The following CARMIL1 variants were observed in gnomAD, a reference collection of about 807,000 sequenced individuals.
CARMIL1 encodes the protein F-actin-uncapping protein LRRC16A.
In CARMIL1, 90 loss-of-function variants were observed where a neutral mutation model predicts 177.1. The ratio of observed to expected loss-of-function variants is 0.51; its 90% CI spans 0.43 to 0.61. The LOEUF is 0.61. Ranked by LOEUF, CARMIL1 falls within the 20% of genes least tolerant of loss-of-function variation. The pLI is 0.00. For synonymous variants in CARMIL1, 577 were observed against 606.2 expected (o/e 0.95, Z 0.71); for missense variants, 1,380 against 1,667.0 (o/e 0.83, Z 3.00).
rs565918563 is a variant in CARMIL1 at position 25,548,563 on chromosome 6, G to T, written c.2329-2347G>T. ...ACAGTTTGAAGCCACGGGAAGGATG[G>T]ATGTTGAACAGGCTCTGGTGTGCAG... On this transcript the variant is annotated intron_variant, in intron 26 of 36. Transcript: ENST00000329474. Among the ~76,000 whole-genome samples the T allele has an allele frequency of 2.6e-5, 4 of 152,298 alleles. No homozygotes were observed. In the East Asian group the frequency reaches 7.7e-4, roughly 29 times the overall value.
intron 2 of CARMIL1, among the ~76,000 whole-genome samples, chr6:25,414,889 C>T (rs12206709): frequency 1.3e-5 from 2 of 152,074 alleles, no homozygotes; most frequent in African/African-American, 2.4e-5. Flanking sequence ...AAAGCCTGGG[C>T]TCCCTTATGA....
At chr6:25,522,801 T>G (rs1040729503) in intron 23 of CARMIL1, among the ~76,000 whole-genome samples, 1 of 149,120 alleles carries the variant, frequency 6.7e-6, no homozygotes, top group Non-Finnish European at 1.5e-5. Flanking sequence ...TATGTATGAC[T>G]GGATACTTCA....
intron 2 of CARMIL1, among the ~76,000 whole-genome samples, chr6:25,371,578 A>T (rs1790435312): frequency 6.6e-6 from 1 of 152,070 alleles, no homozygotes; most frequent in Non-Finnish European, 1.5e-5. Flanking sequence ...ATGTCTATTC[A>T]TGTCATTTGC....
chr6:25,493,788 CAG>C (rs1381386295), intron 15 of CARMIL1, among the ~76,000 whole-genome samples: 5 of 152,102 alleles, frequency 3.3e-5, no homozygotes, highest in African/African-American at 1.2e-4. Flanking sequence ...AAAACTAAGA[CAG>C]AATAGCAGGA....
intron 2 of CARMIL1, among the ~76,000 whole-genome samples, chr6:25,366,829 C>A (rs116072068): frequency 0.026 from 3,905 of 152,088 alleles, 154 homozygotes; most frequent in African/African-American, 0.085. Flanking sequence ...CTTTTCTTGC[C>A]TACTTAAAAT....
chr6:25,594,548 C>A, intron 32 of CARMIL1, 21 bp downstream of exon 32: 7 of 1,254,684 alleles, frequency 5.6e-6, no homozygotes, highest in Non-Finnish European at 8.1e-6. Context: ...AGTAATTTCA[C>A]TGATAATGCT....
intron 2 of CARMIL1, among the ~76,000 whole-genome samples, chr6:25,347,177 C>A (rs147093619): frequency 2.0e-5 from 3 of 152,242 alleles, no homozygotes; most frequent in African/African-American, 7.2e-5. Flanking sequence ...GCATTCCATG[C>A]CAAAGCTTTT....
rs1026985827 is a variant in CARMIL1, at chr6:25,326,171, A to G, written c.138+41262A>G. ...GCGTGAGCCACTGCGCTCGGCCTAG[A>G]TGAGACATTTTTGAGAAAATAACAT... On this transcript the variant is annotated intron_variant, in intron 2 of 36. Transcript: ENST00000329474. The surrounding 1 kb of genome is among the most constrained non-coding windows in gnomAD (Gnocchi z 4.2). 6.6e-6 allele frequency among the ~76,000 whole-genome samples: 1 copy of G among 152,196 alleles called. No homozygotes were observed. The highest frequency in any genetic ancestry group is 1.5e-5 in the Non-Finnish European group (1 of 68,022).
intron 17 of CARMIL1, among the ~76,000 whole-genome samples, chr6:25,503,595 A>G (rs145023871): frequency 2.6e-5 from 4 of 152,234 alleles, no homozygotes; most frequent in Admixed American, 6.5e-5. Flanking sequence ...AGCTCTTACT[A>G]TCACGGAAGT....
At position 25,500,018 on chromosome 6, in the gene CARMIL1, A is replaced by G. The variant is rs1397813717; in HGVS notation, c.1326-148A>G. 3 of 649,364 alleles carry G rather than the reference A, an allele frequency of 4.6e-6. No homozygotes were observed. The Admixed American group carries it at 8.6e-5, about 19-fold the overall frequency. 40.2% of individuals were successfully genotyped at this position (649,364 alleles called of 1,614,324 possible). A position where few individuals can be genotyped will look rare whatever the true frequency, so the allele number is the denominator to read the frequency against. On this transcript the variant is annotated intron_variant, in intron 16 of 36. Transcript: ENST00000329474. ...GTTGTGAGGCAGAAATGCTGTTGGC[A>G]TTTTAAAAAGTAAGAGGGTGCTTGG...
At chr6:25,382,171 C>T (rs1361383685) in intron 2 of CARMIL1, among the ~76,000 whole-genome samples, 1 of 152,140 alleles carries the variant, frequency 6.6e-6, no homozygotes, top group African/African-American at 2.4e-5. Context: ...AATCTCAGCT[C>T]ATTGCAACCT....
At chr6:25,408,298 A>T (rs1303946464) in intron 2 of CARMIL1, among the ~76,000 whole-genome samples, 16 of 151,614 alleles carry the variant, frequency 1.1e-4, no homozygotes, top group East Asian at 3.9e-4. Flanking sequence ...AAAATAAAAA[A>T]AAAAAAAAAA....
intron 36 of CARMIL1, chr6:25,612,870 G>A: frequency 1.0e-6 from 1 of 985,396 alleles, no homozygotes; most frequent in Non-Finnish European, 1.2e-6. Context: ...GGCACAGGAA[G>A]TCACAGCCAA....
At chr6:25,321,496 C>T (rs763456283) in intron 2 of CARMIL1, among the ~76,000 whole-genome samples, 36 of 152,078 alleles carry the variant, frequency 2.4e-4, no homozygotes, top group Non-Finnish European at 4.6e-4. Context: ...AGGGATGTTA[C>T]AGCCTCTGAT....
chr6:25,532,179 A>C (rs566648476), intron 24 of CARMIL1, among the ~76,000 whole-genome samples: 26 of 151,494 alleles, frequency 1.7e-4, no homozygotes, highest in African/African-American at 5.8e-4. Context: ...GGCTCACTGC[A>C]ACCTCTGCCT....
chr6:25,579,990 C>T (rs1001112615), intron 29 of CARMIL1, among the ~76,000 whole-genome samples: 2 of 152,092 alleles, frequency 1.3e-5, no homozygotes, highest in African/African-American at 2.4e-5. Flanking sequence ...TTAGTTTATA[C>T]ACGTACCAGT....
rs1243701809 is a variant in CARMIL1 at position 25,577,625 on chromosome 6, GTC to G, written c.2743-3297_2743-3296del. ...TCTCATTTTTTTAAAAAAAAAGTAT[GTC>G]TAGGAATTACATGTTAAAAGTGGGT... On this transcript the variant is annotated intron_variant, in intron 29 of 36. Transcript: ENST00000329474. The surrounding 1 kb of genome is among the most constrained non-coding windows in gnomAD (Gnocchi z 4.5). Among the ~76,000 whole-genome samples the G allele has an allele frequency of 6.6e-6, 1 of 151,998 alleles. No homozygotes were observed. The highest frequency in any genetic ancestry group is 1.5e-5 in the Non-Finnish European group (1 of 67,980).
intron 23 of CARMIL1, among the ~76,000 whole-genome samples, chr6:25,521,556 T>G (rs572324772): frequency 1.3e-5 from 2 of 152,118 alleles, no homozygotes; most frequent in East Asian, 1.9e-4. Flanking sequence ...GATCATGAGG[T>G]CAGGAGATCG....
At chr6:25,441,337 A>ATATATATATATATTTGTGTGTG in intron 5 of CARMIL1, among the ~76,000 whole-genome samples, 1 of 94,534 alleles carries the variant, frequency 1.1e-5, no homozygotes, top group Non-Finnish European at 2.0e-5. Flanking sequence ...ATATATATAT[A>ATATATATATATATTTGTGTGTG]TGTGTGTGTG....
Sources: allele counts gnomAD v4.1 joint callset (sites outside exome capture counted in the v4.1 genomes callset), GRCh38; gene constraint gnomAD v4.1.1; non-coding constraint Gnocchi (gnomAD v3.1); transcripts MANE v1.5; gene names NCBI Gene and HGNC (gene_info 2026-07-23, HGNC 2026-07-21).